Variants in AREG observed in about 807,000 individuals in gnomAD.
The protein encoded by AREG is amphiregulin B.
In AREG, 16 loss-of-function variants were observed where a neutral mutation model predicts 28.0. The ratio of observed to expected loss-of-function variants is 0.57; its 90% CI spans 0.39 to 0.87. The LOEUF is 0.87. Ranked by LOEUF, AREG falls within the 40% of genes least tolerant of loss-of-function variation. The pLI, the probability that AREG is intolerant of heterozygous loss-of-function variation, is 0.00. For synonymous variants in AREG, 113 were observed against 113.5 expected, an observed-to-expected ratio of 1.00 and a Z score of 0.02; for missense variants, 287 against 309.1, an observed-to-expected ratio of 0.93 and a Z score of 0.53.
In AREG at chr4:74,452,711, CACTA is replaced by C. The variant is rs1334041508; in HGVS notation, c.*18+57_*18+60del. On this transcript the variant is annotated intron_variant, in intron 5 of 5. Coordinates refer to ENST00000395748, the MANE Select transcript of AREG (RefSeq NM_001657.4). ...TATCCTATAATTTTGAAAAATTTAA[CACTA>C]TATAATCTCAAGAAAAATATGGAAT... is the stretch of plus-strand genomic sequence containing the variant. The C allele has an allele frequency of 7.4e-4, 1,102 of 1,482,832 alleles. 12 individuals carry two copies. In the African/African-American group the frequency reaches 0.013, roughly 18 times the overall value. 91.9% of individuals were successfully genotyped at this position (1,482,832 alleles called of 1,614,324 possible).
chr4:74,448,732 T>C, intron 2 of AREG: 2 of 264,180 alleles, frequency 7.6e-6, no homozygotes, highest in South Asian at 1.6e-4. Flanking sequence ...TTGATTATAA[T>C]CTGTTGTAAT....
chr4:74,449,023 G>A (rs963314238), intron 2 of AREG, 24 bp from the exon 3 acceptor site: 1 of 1,605,620 alleles, frequency 6.2e-7, no homozygotes, highest in Non-Finnish European at 8.5e-7. Context: ...AGAGACTCTT[G>A]TCAATAAATC....
At chr4:74,452,472 C>G in intron 4 of AREG, 72 bp from the exon 5 acceptor site, 7 of 1,577,248 alleles carry the variant, frequency 4.4e-6, no homozygotes, top group Non-Finnish European at 6.1e-6. Flanking sequence ...ACCCCCTCTA[C>G]TCATAAAAAC....
intron 1 of AREG, 25 bp downstream of exon 1, chr4:74,445,431 G>T: frequency 6.2e-7 from 1 of 1,600,738 alleles, no homozygotes; most frequent in Non-Finnish European, 8.5e-7. Flanking sequence ...GCGCTGAACT[G>T]CTGGGCTCTC....
intron 1 of AREG, among the ~76,000 whole-genome samples, 200 bp from the exon 2 acceptor site, chr4:74,446,334 A>G (rs1479716882): frequency 6.6e-6 from 1 of 152,230 alleles, no homozygotes; most frequent in African/African-American, 2.4e-5. Context: ...TCAGAAAAGC[A>G]CTTCTGTAAT....
chr4:74,448,839 A>G (rs1719333825), intron 2 of AREG: 14 of 636,326 alleles, frequency 2.2e-5, no homozygotes, highest in South Asian at 1.5e-4. Context: ...AACTATAATC[A>G]TGAGTGGACA....
At chr4:74,453,147 A>G (rs1183769517) in intron 5 of AREG, among the ~76,000 whole-genome samples, 3 of 152,188 alleles carry the variant, frequency 2.0e-5, no homozygotes, top group Non-Finnish European at 4.4e-5. Flanking sequence ...AATGGAAGAG[A>G]TAATTTTAGA....
intron 4 of AREG, among the ~76,000 whole-genome samples, chr4:74,451,242 C>T (rs1719376228): frequency 6.6e-6 from 1 of 152,160 alleles, no homozygotes; most frequent in Non-Finnish European, 1.5e-5. Flanking sequence ...TAGGACTAGA[C>T]TGTCCCAGGT....
intron 4 of AREG, among the ~76,000 whole-genome samples, chr4:74,452,096 A>T (rs1399942928): frequency 6.6e-6 from 1 of 152,200 alleles, no homozygotes; most frequent in Non-Finnish European, 1.5e-5. Context: ...CAGTAAATTA[A>T]ACTAGAAGGA....
chr4:74,446,577 G>A lies in AREG; in HGVS notation c.105G>A (p.Gly35=). The stretch of plus-strand genomic sequence containing the variant: ...TGGACCTCAATGACACCTACTCTGG[G>A]AAGCGTGAACCATTTTCTGGGGACC... ...AGLDLNDTYS[G]KREPFSGDHS... Residue 35 remains glycine (G), a synonymous_variant, in exon 2 of 6, where the codon GGG becomes GGA. Transcript: ENST00000395748. The A allele has an allele frequency of 6.2e-7, 1 of 1,613,964 alleles. No homozygotes were observed. Among genetic ancestry groups the A allele is most frequent in the Non-Finnish European group, 8.5e-7 (1 of 1,179,862 alleles).
At position 74,445,210 on chromosome 4, in the gene AREG, G is replaced by A; in HGVS notation, c.-136G>A. On this transcript the variant is annotated 5_prime_UTR_variant, in exon 1 of 6. Coordinates refer to ENST00000395748, the MANE Select transcript of AREG (RefSeq NM_001657.4). ...CGAGGCGCCGCGCCCGCCGCCCCGA[G>A]CTCCCCAAGCCTTCGAGAGCGGCGC... 1 of 1,498,692 alleles carries A rather than the reference G, an allele frequency of 6.7e-7. No homozygotes were observed. Among genetic ancestry groups the A allele is most frequent in the Non-Finnish European group, 8.9e-7 (1 of 1,118,576 alleles). The allele number at this position is 1,498,692 out of a possible 1,614,324, so 92.8% of individuals were successfully genotyped here. A position where few individuals can be genotyped will look rare whatever the true frequency, so the allele number is the denominator to read the frequency against.
chr4:74,454,259 T>A (rs1295713627), intron 5 of AREG, among the ~76,000 whole-genome samples: 2 of 152,286 alleles, frequency 1.3e-5, no homozygotes, highest in East Asian at 3.9e-4. Context: ...CCACTGAGAT[T>A]TTTTAGCATA....
chr4:74,451,404 G>A (rs1475218331), intron 4 of AREG, among the ~76,000 whole-genome samples: 11 of 152,272 alleles, frequency 7.2e-5, no homozygotes, highest in African/African-American at 2.2e-4. Context: ...CTAATTTTAG[G>A]TCTTGGTAAA....
rs1448117532 is a variant in AREG at position 74,445,140 on chromosome 4, G to T, written c.-206G>T. On this transcript the variant is annotated 5_prime_UTR_variant, in exon 1 of 6. Transcript: ENST00000395748. ...GGCAGGTGCGCGCCGCCCTACAGACGTTCGCACACCTGGGTGCCAGCGCCC... is the reference window on the plus strand; with the variant it reads ...GGCAGGTGCGCGCCGCCCTACAGACTTTCGCACACCTGGGTGCCAGCGCCC... 9 of 1,167,278 alleles carry T rather than the reference G, an allele frequency of 7.7e-6. No homozygotes were observed. The highest frequency in any genetic ancestry group is 1.1e-5 in the Non-Finnish European group (9 of 855,152). 72.3% of individuals were successfully genotyped at this position (1,167,278 alleles called of 1,614,324 possible). A position where few individuals can be genotyped will look rare whatever the true frequency, so the allele number is the denominator to read the frequency against.
chr4:74,449,262 A>G lies in AREG; in HGVS notation c.512+14A>G. On this transcript the variant is annotated intron_variant, in intron 3 of 5. Transcript: ENST00000395748. Reference sequence around the variant, plus strand: ...AGTAACATGCAAGTAAGTTTTCCTAAAGCATATAGAATTTTGTATTTCTAG... The same window carrying G: ...AGTAACATGCAAGTAAGTTTTCCTAGAGCATATAGAATTTTGTATTTCTAG... 1 of 1,613,418 alleles carries G rather than the reference A, an allele frequency of 6.2e-7. No individual in the cohort carries two copies. Among genetic ancestry groups the G allele is most frequent in the Non-Finnish European group, 8.5e-7 (1 of 1,179,716 alleles).
Position 74,454,796 on chromosome 4 carries a change from A to T in AREG, c.*56A>T. On this transcript the variant is annotated 3_prime_UTR_variant, in exon 6 of 6. Transcript: ENST00000395748. Reference sequence around the variant, plus strand: ...GAGTCACTGCCAAGTCATAGCCATAAATGATGAGTCGGTCCTCTTTCCAGT... The same window carrying T: ...GAGTCACTGCCAAGTCATAGCCATATATGATGAGTCGGTCCTCTTTCCAGT... 1 of 699,716 alleles carries T rather than the reference A, an allele frequency of 1.4e-6. No homozygotes were observed. Among genetic ancestry groups the T allele is most frequent in the Admixed American group, 2.0e-5 (1 of 49,926 alleles). The allele number at this position is 699,716 out of a possible 1,614,324, so 43.3% of individuals were successfully genotyped here. A position where few individuals can be genotyped will look rare whatever the true frequency, so the allele number is the denominator to read the frequency against.
At chr4:74,454,215 C>T (rs1719424691) in intron 5 of AREG, among the ~76,000 whole-genome samples, 1 of 152,112 alleles carries the variant, frequency 6.6e-6, no homozygotes. Context: ...GCTAAGACCA[C>T]CAGTGTGAAT....
intron 4 of AREG, 145 bp from the exon 5 acceptor site, chr4:74,452,399 A>G: frequency 1.2e-6 from 1 of 854,312 alleles, no homozygotes; most frequent in Non-Finnish European, 1.9e-6. Context: ...AATATTTTAT[A>G]GCCAGGTTTA....
At chr4:74,448,870 C>A in intron 2 of AREG, 177 bp from the exon 3 acceptor site, 1 of 921,188 alleles carries the variant, frequency 1.1e-6, no homozygotes, top group South Asian at 2.4e-5. Flanking sequence ...GTAGAAAAAA[C>A]TGAAAATTAT....
Sources: gnomAD v4.1 joint callset for allele counts (sites outside exome capture counted in the v4.1 genomes callset) on GRCh38, gnomAD v4.1.1 for gene constraint, MANE v1.5 for transcripts, NCBI Gene and HGNC (gene_info 2026-07-23, HGNC 2026-07-21) for gene names.